SH2D4A: variants seen among roughly 807,000 people sequenced by gnomAD.
SH2D4A encodes the protein SH2 domain-containing protein 4A.
In SH2D4A, 70 loss-of-function variants were observed where a neutral mutation model predicts 64.7. The ratio of observed to expected loss-of-function variants is 1.08; its 90% CI spans 0.89 to 1.32. The LOEUF (loss-of-function observed/expected upper bound fraction) is 1.32, where lower values mean the gene tolerates loss of function less well. Among genes scored for constraint, SH2D4A ranks in the 40% most tolerant of loss-of-function variants. The pLI is 0.00. For missense variants in SH2D4A, 706 were observed against 540.1 expected (o/e 1.31, Z -3.04); for synonymous variants, 268 against 200.7 (o/e 1.34, Z -2.83).
intron 4 of SH2D4A, among the ~76,000 whole-genome samples, chr8:19,355,410 A>G (rs1457325663): frequency 6.6e-6 from 1 of 152,158 alleles, no homozygotes; most frequent in East Asian, 1.9e-4. Flanking sequence ...TTACTGTTCT[A>G]AGTTTAGACG....
At position 19,393,481 on chromosome 8, in the gene SH2D4A, C is replaced by T. The variant is rs2053532073; in HGVS notation, c.1212C>T (p.Ser404=). 5 of 1,614,242 alleles carry T rather than the reference C, an allele frequency of 3.1e-6. No homozygotes were observed. In the East Asian group the frequency reaches 8.9e-5, roughly 29 times the overall value. ...FLIDASADAY[S]FLGVDQLQHA... ...TCGATGCCTCTGCAGACGCCTACAG[C>T]TTCCTGGGCGTGGACCAGCTACAGC... is the stretch of plus-strand genomic sequence containing the variant. Residue 404 remains serine (S), a synonymous_variant, in exon 9 of 10, where the codon AGC becomes AGT. Transcript: ENST00000265807.
At chr8:19,355,951 A>T (rs778796759) in intron 4 of SH2D4A, among the ~76,000 whole-genome samples, 1 of 152,200 alleles carries the variant, frequency 6.6e-6, no homozygotes, top group Non-Finnish European at 1.5e-5. Context: ...AATAAAAGTT[A>T]TTTATTTGTC....
At chr8:19,375,636 G>A (rs1328653187) in intron 8 of SH2D4A, 1 of 152,116 alleles carries the variant, frequency 6.6e-6, no homozygotes, top group Non-Finnish European at 1.5e-5. Context: ...GGATGGGGAG[G>A]GTTAGGGAAG....
intron 4 of SH2D4A, among the ~76,000 whole-genome samples, chr8:19,354,808 G>A (rs2052763848): frequency 6.6e-6 from 1 of 152,178 alleles, no homozygotes; most frequent in Non-Finnish European, 1.5e-5. Flanking sequence ...CAACACTTTT[G>A]AATACATGGA....
At chr8:19,341,359 C>G (rs1439208580) in intron 4 of SH2D4A, among the ~76,000 whole-genome samples, 1 of 152,178 alleles carries the variant, frequency 6.6e-6, no homozygotes, top group African/African-American at 2.4e-5. Context: ...CAAGGCCCAA[C>G]ATTTGCTATA....
At chr8:19,393,684 C>T (rs556337979) in intron 9 of SH2D4A, 143 bp downstream of exon 9, 2 of 757,550 alleles carry the variant, frequency 2.6e-6, no homozygotes, top group Admixed American at 5.6e-5. Flanking sequence ...ATAATTCTTC[C>T]TGATAATCAG....
intron 9 of SH2D4A, among the ~76,000 whole-genome samples, 177 bp from the exon 10 acceptor site, chr8:19,394,373 T>C (rs984946110): frequency 5.3e-5 from 8 of 152,152 alleles, no homozygotes; most frequent in African/African-American, 1.4e-4. Flanking sequence ...ATTCAAGCCC[T>C]GAAGGGAAAG....
chr8:19,327,908 A>C lies in SH2D4A; in HGVS notation c.182-5047A>C, dbSNP rs367809689. On this transcript the variant is annotated intron_variant, in intron 2 of 9. Coordinates refer to ENST00000265807, the MANE Select transcript of SH2D4A (RefSeq NM_022071.4). ...GCGTCCCCAGAATGAGTCTCTCTGAAGTCCGAGGCTGCCTGAGAGCTTTCT... is the reference window on the plus strand; with the variant it reads ...GCGTCCCCAGAATGAGTCTCTCTGACGTCCGAGGCTGCCTGAGAGCTTTCT... Among the ~76,000 whole-genome samples, 82 of 152,290 alleles carry C rather than the reference A, an allele frequency of 5.4e-4. 1 individual carries two copies. Among genetic ancestry groups the C allele is most frequent in the African/African-American group, 1.9e-3 (77 of 41,554 alleles).
chr8:19,393,578 T>C, intron 9 of SH2D4A, 37 bp downstream of exon 9: 1 of 1,594,160 alleles, frequency 6.3e-7, no homozygotes, highest in Non-Finnish European at 8.6e-7. Context: ...CCTTCTGAGT[T>C]ACTGTCCTGT....
chr8:19,319,317 C>G, intron 1 of SH2D4A, 27 bp from the exon 2 acceptor site: 2 of 1,190,398 alleles, frequency 1.7e-6, no homozygotes, highest in Non-Finnish European at 2.1e-6. Flanking sequence ...AACACGCTGC[C>G]TGAATGTGGG....
chr8:19,388,814 G>A (rs988643749), intron 8 of SH2D4A, among the ~76,000 whole-genome samples: 10 of 152,108 alleles, frequency 6.6e-5, no homozygotes, highest in African/African-American at 1.4e-4. Context: ...ACTCTTTTTC[G>A]GTCATCTTCT....
chr8:19,381,222 G>C (rs1455355409), intron 8 of SH2D4A, among the ~76,000 whole-genome samples: 2 of 151,966 alleles, frequency 1.3e-5, no homozygotes, highest in Non-Finnish European at 2.9e-5. Context: ...GCTAATTTTT[G>C]TATTTTTAGT....
intron 8 of SH2D4A, 28 bp downstream of exon 8, chr8:19,373,688 T>A: frequency 6.2e-7 from 1 of 1,610,294 alleles, no homozygotes; most frequent in Non-Finnish European, 8.5e-7. Context: ...CTCAATGGTG[T>A]TTCGTCTTAG....
chr8:19,370,301 T>C (rs2053073695), intron 7 of SH2D4A, among the ~76,000 whole-genome samples: 1 of 152,112 alleles, frequency 6.6e-6, no homozygotes, highest in South Asian at 2.1e-4. Flanking sequence ...TTGTTGATTT[T>C]CTGTCGGTAT....
chr8:19,373,678 C>T lies in SH2D4A; in HGVS notation c.1048+18C>T, dbSNP rs377336627. 1 of 1,611,398 alleles carries T rather than the reference C, an allele frequency of 6.2e-7. No individual in the cohort carries two copies. The highest frequency in any genetic ancestry group is 1.3e-5 in the African/African-American group (1 of 74,836). On this transcript the variant is annotated intron_variant, in intron 8 of 9. Transcript: ENST00000265807. ...GTTCCATGGTGAGTGCAGAGATTTCCTCAATGGTGTTTCGTCTTAGGGCGG... is the reference window on the plus strand; with the variant it reads ...GTTCCATGGTGAGTGCAGAGATTTCTTCAATGGTGTTTCGTCTTAGGGCGG...
intron 8 of SH2D4A, among the ~76,000 whole-genome samples, chr8:19,389,304 TC>T (rs2053444526): frequency 1.2e-4 from 18 of 152,182 alleles, no homozygotes; most frequent in Admixed American, 1.2e-3. Context: ...CCGGGGCCTT[TC>T]CTGGGCAAAA....
intron 8 of SH2D4A, among the ~76,000 whole-genome samples, chr8:19,390,038 A>C (rs537094916): frequency 2.6e-5 from 4 of 152,238 alleles, no homozygotes; most frequent in East Asian, 3.9e-4. Context: ...CAGAATTCTT[A>C]GAGTTGTGCA....
intron 4 of SH2D4A, among the ~76,000 whole-genome samples, chr8:19,352,884 T>C: frequency 6.6e-6 from 1 of 152,020 alleles, no homozygotes; most frequent in East Asian, 1.9e-4. Context: ...TAGTGCATGC[T>C]TGTAGTCCCA....
intron 5 of SH2D4A, among the ~76,000 whole-genome samples, chr8:19,359,478 G>T (rs1268967961): frequency 6.6e-6 from 1 of 152,100 alleles, no homozygotes; most frequent in Non-Finnish European, 1.5e-5. Flanking sequence ...AAATAAACAC[G>T]TATGCATGTG....
Sources: allele counts gnomAD v4.1 joint callset (sites outside exome capture counted in the v4.1 genomes callset), GRCh38; gene constraint gnomAD v4.1.1; transcripts MANE v1.5; gene names NCBI Gene and HGNC (gene_info 2026-07-23, HGNC 2026-07-21).